Variants in NFRKB observed in about 807,000 individuals in gnomAD.
The protein encoded by NFRKB is nuclear factor related to kappa-B-binding protein.
A neutral mutation model predicts 135.7 loss-of-function variants in NFRKB; 62 were observed. The ratio of observed to expected loss-of-function variants is 0.46; its 90% confidence interval spans 0.37 to 0.56. The LOEUF is 0.56. Ranked by LOEUF, NFRKB falls within the 20% of genes least tolerant of loss-of-function variation. The probability of loss-of-function intolerance (pLI) is 0.00; values close to 1 mark genes in which losing one functional copy is unlikely to be tolerated. For missense variants in NFRKB, 1,545 were observed against 1,662.0 expected (o/e 0.93, Z 1.22); for synonymous variants, 678 against 635.6 (o/e 1.07, Z -1.00).
At chr11:129,879,312 G>A (rs1015170456) in intron 13 of NFRKB, among the ~76,000 whole-genome samples, 2 of 152,176 alleles carry the variant, frequency 1.3e-5, no homozygotes, top group Non-Finnish European at 2.9e-5. Flanking sequence ...GCATCTGGCC[G>A]ACAAGCTTCA....
chr11:129,890,462 G>A (rs762627946), intron 3 of NFRKB, among the ~76,000 whole-genome samples: 93 of 152,240 alleles, frequency 6.1e-4, no homozygotes, highest in Non-Finnish European at 1.1e-3. Context: ...CAGTACAGTT[G>A]TTACTGTAGC....
chr11:129,882,492 T>C lies in NFRKB; in HGVS notation c.1041A>G (p.Ser347=). The C allele has an allele frequency of 6.2e-7, 1 of 1,613,918 alleles. No homozygotes were observed. The highest frequency in any genetic ancestry group is 8.5e-7 in the Non-Finnish European group (1 of 1,179,880). The change falls in exon 10 of 27, where the codon TCA becomes TCG. Residue 347 remains serine, a synonymous_variant. Coordinates refer to ENST00000682444, the MANE Select transcript of NFRKB (RefSeq NM_001143835.2). ...GAATTGCCAGCGGAGAGGGGGCCTG[T>C]GAGAGAGGTGCGACCCCTTCAGTAC... The part of the protein sequence containing the change: ...LSSTEGVAPL[S]QAPSPLAIPA...
rs1949079086 is a variant in NFRKB, at chr11:129,882,507, C to G, written c.1026G>C (p.Gly342=). The change falls in exon 10 of 27, where the codon GGG becomes GGC. Residue 342 remains glycine, a synonymous_variant. Coordinates refer to ENST00000682444, the MANE Select transcript of NFRKB (RefSeq NM_001143835.2). ...AGGGGGCCTGTGAGAGAGGTGCGAC[C>G]CCTTCAGTACTGCTTAGCGGCTCGG... ...DLAEPLSSTE[G]VAPLSQAPSP... The G allele has an allele frequency of 6.2e-7, 1 of 1,613,958 alleles. No individual in the cohort carries two copies. Among genetic ancestry groups the G allele is most frequent in the East Asian group, 2.2e-5 (1 of 44,880 alleles).
At position 129,874,969 on chromosome 11, in the gene NFRKB, G is replaced by A; in HGVS notation, c.1855-53C>T. 5 of 1,607,250 alleles carry A rather than the reference G, an allele frequency of 3.1e-6. No individual in the cohort carries two copies. Among genetic ancestry groups the A allele is most frequent in the South Asian group, 1.1e-5 (1 of 90,796 alleles). On this transcript the variant is annotated intron_variant, in intron 18 of 26. Transcript: ENST00000682444. The surrounding 1 kb of genome is among the most constrained non-coding windows in gnomAD (Gnocchi z 4.5). ...AACAAGTCAAGCTTAGATAACAGAA[G>A]TTATTTGAACTCTAGGAAAAAAATG...
At chr11:129,886,227 C>G (rs1330798811) in intron 5 of NFRKB, 90 bp downstream of exon 5, 3 of 1,468,684 alleles carry the variant, frequency 2.0e-6, no homozygotes. Context: ...TTCTTCGTGG[C>G]AATTTTTGTG....
Position 129,864,255 on chromosome 11 carries a change from A to T in NFRKB, c.*470T>A, listed in dbSNP as rs1279996116. 1.3e-5 allele frequency: 2 copies of T among 153,322 alleles called. No individual in the cohort carries two copies. The highest frequency in any genetic ancestry group is 4.8e-5 in the African/African-American group (2 of 41,470). The allele number at this position is 153,322 out of a possible 1,614,324, so 9.5% of individuals were successfully genotyped here. ...TAAAGCCCAAGTTTGTATTTGAGAA[A>T]GATGTACAACAGGTTCTTTAAAAAA... is the stretch of plus-strand genomic sequence containing the variant. On this transcript the variant is annotated 3_prime_UTR_variant, in exon 27 of 27. Transcript: ENST00000682444.
At chr11:129,894,943 G>C (rs1391207856) in intron 1 of NFRKB, among the ~76,000 whole-genome samples, 2 of 152,186 alleles carry the variant, frequency 1.3e-5, no homozygotes, top group Non-Finnish European at 2.9e-5. Context: ...GTGACGGTGC[G>C]TGTCTAGCTA....
intron 13 of NFRKB, among the ~76,000 whole-genome samples, chr11:129,879,020 G>C (rs1013010197): frequency 2.6e-5 from 4 of 152,110 alleles, no homozygotes; most frequent in Admixed American, 6.5e-5. Context: ...AAGACCCAGG[G>C]GCAGGAAAAA....
At chr11:129,890,400 C>T (rs181600200) in intron 3 of NFRKB, among the ~76,000 whole-genome samples, 18 of 152,270 alleles carry the variant, frequency 1.2e-4, no homozygotes, top group Non-Finnish European at 2.4e-4. Context: ...AAAGGGACTG[C>T]CCTGAAAGAG....
In NFRKB at chr11:129,876,820, CT is replaced by C; in HGVS notation, c.1647del (p.Val550Ter). On this transcript the variant is annotated frameshift_variant, in exon 17 of 27. Coordinates refer to ENST00000682444, the MANE Select transcript of NFRKB (RefSeq NM_001143835.2). LOFTEE classifies it high-confidence loss of function. The stretch of plus-strand genomic sequence containing the variant: ...GTCTCCTTGTCAAACACGCCCTTCA[CT>C]GGCCCCACCACAGACTCAAAGCCGT... ...RMHGFESVVG[P>X]VKGVFDKETS... 1 of 1,614,180 alleles carries C rather than the reference CT, an allele frequency of 6.2e-7. No individual in the cohort carries two copies. The highest frequency in any genetic ancestry group is 8.5e-7 in the Non-Finnish European group (1 of 1,180,020).
chr11:129,863,827 G>A lies in NFRKB; in HGVS notation c.*898C>T, dbSNP rs749524594. 6.6e-6 allele frequency: 1 copy of A among 152,216 alleles called. No individual in the cohort carries two copies. Among genetic ancestry groups the A allele is most frequent in the Non-Finnish European group, 1.5e-5 (1 of 68,080 alleles). 9.4% of individuals were successfully genotyped at this position (152,216 alleles called of 1,614,324 possible). On this transcript the variant is annotated 3_prime_UTR_variant, in exon 27 of 27. Transcript: ENST00000682444. ...TACAAAAACAAATGGCCAGCCCCAA[G>A]GGCCTGGTTTGCAACTCTTGCTCTG...
At chr11:129,884,188 T>C in intron 7 of NFRKB, 45 bp from the exon 8 acceptor site, 1 of 1,551,308 alleles carries the variant, frequency 6.4e-7, no homozygotes. Context: ...GATTCTCCAA[T>C]TTACATCTTT....
At chr11:129,892,538 T>A (rs981112008) in intron 3 of NFRKB, among the ~76,000 whole-genome samples, 177 bp downstream of exon 3, 2 of 152,078 alleles carry the variant, frequency 1.3e-5, no homozygotes, top group African/African-American at 2.4e-5. Context: ...TCTTCCTTAA[T>A]CGGATATTAA....
intron 23 of NFRKB, among the ~76,000 whole-genome samples, chr11:129,872,306 T>C (rs1486288377): frequency 5.9e-5 from 9 of 152,162 alleles, no homozygotes; most frequent in Admixed American, 2.0e-4. Flanking sequence ...TCTGGCTTAA[T>C]GTTTGTTGAA....
chr11:129,866,854 G>A (rs757909263), intron 24 of NFRKB, among the ~76,000 whole-genome samples: 1 of 152,176 alleles, frequency 6.6e-6, no homozygotes, highest in South Asian at 2.1e-4. Context: ...CACAGAGGCA[G>A]GCTAACACTA....
chr11:129,868,968 C>T (rs1270627240), intron 24 of NFRKB, among the ~76,000 whole-genome samples: 4 of 151,664 alleles, frequency 2.6e-5, no homozygotes, highest in East Asian at 1.9e-4. Flanking sequence ...TGCAGTGAGC[C>T]GAGATCGTGC....
chr11:129,864,653 C>T lies in NFRKB; in HGVS notation c.*72G>A. The T allele has an allele frequency of 6.3e-7, 1 of 1,597,116 alleles. No homozygotes were observed. On this transcript the variant is annotated 3_prime_UTR_variant, in exon 27 of 27. Coordinates refer to ENST00000682444, the MANE Select transcript of NFRKB (RefSeq NM_001143835.2). ...AACAGGCAAGCTTAAAACAATGATGCAACCTCCCTGGTCCCTTCTCAGCCA... is the reference window on the plus strand; with the variant it reads ...AACAGGCAAGCTTAAAACAATGATGTAACCTCCCTGGTCCCTTCTCAGCCA...
At chr11:129,890,029 G>GTT (rs371082832) in intron 3 of NFRKB, among the ~76,000 whole-genome samples, 18,329 of 134,100 alleles carry the variant, frequency 0.14, 1,339 homozygotes, top group South Asian at 0.16. Context: ...GGGTTTTTTT[G>GTT]TTTTTTTTTT....
rs767965869 is a variant in NFRKB, at chr11:129,888,731, C to T, written c.200G>A (p.Arg67His). Residue 67 changes from arginine (R) to histidine (H), a missense_variant, in exon 4 of 27, where the codon CGT becomes CAT. Transcript: ENST00000682444. ...TWQEVLSDSQ[R>H]EHLQQFLPQF... ...GGGCAGAAACTGCTGGAGGTGTTCA[C>T]GTTGAGAATCACTTAACACTTCCTG... 20 of 1,613,982 alleles carry T rather than the reference C, an allele frequency of 1.2e-5. No individual in the cohort carries two copies. In the East Asian group the frequency reaches 2.9e-4, roughly 23 times the overall value.
Sources: allele counts gnomAD v4.1 joint callset (sites outside exome capture counted in the v4.1 genomes callset), GRCh38; gene constraint gnomAD v4.1.1; non-coding constraint Gnocchi (gnomAD v3.1); transcripts MANE v1.5; gene names NCBI Gene and HGNC (gene_info 2026-07-23, HGNC 2026-07-21).